TRIQK: variants seen among roughly 807,000 people sequenced by gnomAD.
The protein encoded by TRIQK is triple QxxK/R motif containing.
TRIQK carries 10 observed loss-of-function variants against 10.8 expected under a neutral mutation model. The observed-to-expected ratio is 0.92, with a 90% CI of 0.57 to 1.57. The LOEUF (loss-of-function observed/expected upper bound fraction) is 1.57. TRIQK is among the 40% of genes most tolerant of loss of function. The probability of loss-of-function intolerance (pLI) is 0.00; values close to 1 mark genes in which losing one functional copy is unlikely to be tolerated. For missense variants in TRIQK, 107 were observed against 97.7 expected (o/e 1.09, Z -0.40); for synonymous variants, 33 against 33.7 (o/e 0.98, Z 0.07).
At position 92,966,125 on chromosome 8, in the gene TRIQK, A is replaced by G. The variant is rs1246426424; in HGVS notation, c.-299T>C. Reference sequence around the variant, plus strand: ...AGCCAGCCGCACACCCCTACTCCCAAAGGGTGAGGCGGAAAAGAGGCGAGG... The same window carrying G: ...AGCCAGCCGCACACCCCTACTCCCAGAGGGTGAGGCGGAAAAGAGGCGAGG... On this transcript the variant is annotated 5_prime_UTR_variant, in exon 1 of 5. Coordinates refer to ENST00000521988, the MANE Select transcript of TRIQK (RefSeq NM_001171797.2). 1 of 152,156 alleles carries G rather than the reference A, an allele frequency of 6.6e-6. No individual in the cohort carries two copies. The highest frequency in any genetic ancestry group is 1.9e-4 in the East Asian group (1 of 5,158). The allele number at this position is 152,156 out of a possible 1,614,324, so 9.4% of individuals were successfully genotyped here. A position where few individuals can be genotyped will look rare whatever the true frequency, so the allele number is the denominator to read the frequency against.
At chr8:92,970,944 C>G (rs1383358472), upstream of TRIQK, among the ~76,000 whole-genome samples, 2 of 152,100 alleles carry the variant, frequency 1.3e-5, no homozygotes, top group Non-Finnish European at 2.9e-5. Context: ...ACATTTAAGT[C>G]TTTAATGCAT....
chr8:92,918,782 C>CG (rs924882082), intron 2 of TRIQK, among the ~76,000 whole-genome samples: 10 of 151,094 alleles, frequency 6.6e-5, no homozygotes, highest in Admixed American at 2.6e-4. Flanking sequence ...CTTACCCCCC[C>CG]CCACAATTTT....
chr8:92,909,322 C>T (rs994777343), intron 3 of TRIQK, among the ~76,000 whole-genome samples: 7 of 151,828 alleles, frequency 4.6e-5, no homozygotes, highest in Non-Finnish European at 8.9e-5. Flanking sequence ...GCATAACGTA[C>T]CTTTACATTT....
chr8:93,007,008 G>A (rs535000747), intron 1 of TRIQK, among the ~76,000 whole-genome samples: 5 of 152,322 alleles, frequency 3.3e-5, no homozygotes, highest in African/African-American at 1.2e-4. Context: ...GGCAGCCAGA[G>A]TGCTTCATTA....
At chr8:92,973,342 A>AT in intron 1 of TRIQK, 1 of 152,342 alleles carries the variant, frequency 6.6e-6, no homozygotes, top group South Asian at 2.1e-4. Flanking sequence ...ATGAAGGTGA[A>AT]CAGTAGCAAT....
chr8:92,916,104 G>A (rs1563630171), intron 3 of TRIQK, among the ~76,000 whole-genome samples: 1 of 152,030 alleles, frequency 6.6e-6, no homozygotes, highest in Non-Finnish European at 1.5e-5. Context: ...GGTGAAGAAG[G>A]GGAAGTTACC....
chr8:92,955,526 C>G (rs536848864), intron 1 of TRIQK, among the ~76,000 whole-genome samples: 5 of 151,742 alleles, frequency 3.3e-5, no homozygotes, highest in African/African-American at 1.2e-4. Flanking sequence ...AAAATAGTCT[C>G]TTAGATACAA....
At chr8:92,925,409 T>C (rs541336309) in intron 2 of TRIQK, among the ~76,000 whole-genome samples, 1 of 152,222 alleles carries the variant, frequency 6.6e-6, no homozygotes, top group East Asian at 1.9e-4. Flanking sequence ...TACATCAAAA[T>C]TAATATTTGC....
At chr8:93,011,400 A>G (rs896547199) in intron 1 of TRIQK, among the ~76,000 whole-genome samples, 4 of 152,078 alleles carry the variant, frequency 2.6e-5, no homozygotes, top group Admixed American at 2.0e-4. Flanking sequence ...TAACTTTAAA[A>G]CTCACAAGTA....
intron 2 of TRIQK, among the ~76,000 whole-genome samples, chr8:92,942,724 T>C (rs529125964): frequency 7.9e-5 from 12 of 152,300 alleles, no homozygotes; most frequent in African/African-American, 2.6e-4. Flanking sequence ...AGACAGAGTA[T>C]AGCTCTGTTG....
chr8:92,891,937 A>C, intron 4 of TRIQK, 52 bp downstream of exon 4: 1 of 1,259,820 alleles, frequency 7.9e-7, no homozygotes, highest in South Asian at 1.4e-5. Flanking sequence ...AGTTTTAGAA[A>C]ATGAAATGGC....
chr8:92,933,536 C>A (rs142139745), intron 2 of TRIQK, among the ~76,000 whole-genome samples: 1 of 152,192 alleles, frequency 6.6e-6, no homozygotes, highest in Non-Finnish European at 1.5e-5. Flanking sequence ...ACCACACCTA[C>A]TGCTGAAGCT....
upstream of TRIQK, among the ~76,000 whole-genome samples, chr8:92,970,408 A>G (rs1421241403): frequency 6.6e-6 from 1 of 152,186 alleles, no homozygotes; most frequent in Admixed American, 6.5e-5. Flanking sequence ...ACTAATTTAC[A>G]TTTCCACCAA....
intron 2 of TRIQK, among the ~76,000 whole-genome samples, chr8:92,942,989 G>A (rs1163473956): frequency 2.0e-5 from 3 of 151,620 alleles, no homozygotes; most frequent in African/African-American, 7.3e-5. Context: ...CACTACGCTT[G>A]GCTGACAAAA....
intron 4 of TRIQK, among the ~76,000 whole-genome samples, chr8:92,891,753 A>C (rs1816776447): frequency 6.6e-6 from 1 of 151,924 alleles, no homozygotes; most frequent in South Asian, 2.1e-4. Context: ...AATAAATTGC[A>C]CCTTTAAGTA....
At chr8:92,964,480 A>ATC (rs1812630604) in intron 1 of TRIQK, among the ~76,000 whole-genome samples, 3 of 148,312 alleles carry the variant, frequency 2.0e-5, no homozygotes, top group Admixed American at 6.7e-5. Flanking sequence ...ATATATATAT[A>ATC]TCTAGTGATA....
upstream of TRIQK, among the ~76,000 whole-genome samples, chr8:92,966,662 T>A (rs965278067): frequency 6.6e-6 from 1 of 152,186 alleles, no homozygotes; most frequent in Admixed American, 6.6e-5. Flanking sequence ...AGATGTTACT[T>A]ATTGGAAAAG....
intron 2 of TRIQK, among the ~76,000 whole-genome samples, chr8:92,922,974 CA>C (rs555756493): frequency 2.0e-5 from 3 of 151,552 alleles, no homozygotes; most frequent in African/African-American, 7.3e-5. Context: ...AATGATAAAA[CA>C]AAAAATGCTT....
At chr8:92,923,501 T>A (rs1180661025) in intron 2 of TRIQK, among the ~76,000 whole-genome samples, 3 of 151,992 alleles carry the variant, frequency 2.0e-5, no homozygotes, top group Admixed American at 6.6e-5. Context: ...CTAGCTAAAC[T>A]GAAATATGGA....
Sources: gnomAD v4.1 joint callset for allele counts (sites outside exome capture counted in the v4.1 genomes callset) on GRCh38, gnomAD v4.1.1 for gene constraint, MANE v1.5 for transcripts, NCBI Gene and HGNC (gene_info 2026-07-23, HGNC 2026-07-21) for gene names.